Variants in HOXA3 observed in about 807,000 individuals in gnomAD.
HOXA3 encodes homeobox A3.
In HOXA3, 8 loss-of-function variants were observed where a neutral mutation model predicts 30.3. That is an observed-to-expected ratio of 0.26 (90% confidence interval 0.15 to 0.48). HOXA3 has a LOEUF of 0.48. Ranked by LOEUF, HOXA3 falls within the 20% of genes least tolerant of loss-of-function variation. The probability of loss-of-function intolerance (pLI) is 0.99; values close to 1 mark genes in which losing one functional copy is unlikely to be tolerated. For missense variants in HOXA3, 653 were observed against 614.4 expected, an observed-to-expected ratio of 1.06 and a Z score of -0.66; for synonymous variants, 323 against 273.1, an observed-to-expected ratio of 1.18 and a Z score of -1.80.
intron 1 of HOXA3, chr7:27,151,019 G>T (rs1198046966): frequency 3.3e-5 from 5 of 152,332 alleles, no homozygotes; most frequent in African/African-American, 1.2e-4. Flanking sequence ...TAAATAATCG[G>T]CCCGCGGCAG....
chr7:27,112,437 A>T (rs937182518), intron 4 of HOXA3, among the ~76,000 whole-genome samples: 18 of 152,214 alleles, frequency 1.2e-4, no homozygotes, highest in Admixed American at 7.9e-4. Context: ...TCTTACCAAC[A>T]TCTGCAAAAC....
In HOXA3 at chr7:27,113,655, C is replaced by T. The variant is rs1784503558; in HGVS notation, c.-120-2895G>A. ...CTTCTGACGAGCGCAGGCTCGGGCT[C>T]AGGCTCCGACACGGGCTCTGGCCCC... On this transcript the variant is annotated intron_variant, in intron 4 of 5. Coordinates refer to ENST00000612286, the MANE Select transcript of HOXA3 (RefSeq NM_153631.3). The surrounding 1 kb of genome is among the most constrained non-coding windows in gnomAD (Gnocchi z 4.8). The T allele has an allele frequency of 6.6e-6, 1 of 152,304 alleles. No individual in the cohort carries two copies. Among genetic ancestry groups the T allele is most frequent in the African/African-American group, 2.4e-5 (1 of 41,458 alleles). 9.4% of individuals were successfully genotyped at this position (152,304 alleles called of 1,614,324 possible).
intron 2 of HOXA3, 59 bp downstream of exon 2, chr7:27,140,024 A>AGAGAGAGAGAGAGAGG (rs1782500438): frequency 6.7e-6 from 1 of 150,252 alleles, no homozygotes; most frequent in South Asian, 2.1e-4. Flanking sequence ...AGAGAGAGAG[A>AGAGAGAGAGAGAGAGG]GAGAGAGAAA....
In HOXA3 at chr7:27,152,523, C is replaced by T; in HGVS notation, c.-729G>A. On this transcript the variant is annotated 5_prime_UTR_variant, in exon 1 of 6. Transcript: ENST00000612286. ...CTCGCCATCTCCGGACAAAGCACAG[C>T]CGAGCCCGGCTGGAAGGCAGAGCTC... 1 of 1,179,954 alleles carries T rather than the reference C, an allele frequency of 8.5e-7. No homozygotes were observed. The allele number at this position is 1,179,954 out of a possible 1,614,324, so 73.1% of individuals were successfully genotyped here.
rs765056005 is a variant in HOXA3 at position 27,141,817 on chromosome 7, C to T, written c.-493-1631G>A. The T allele has an allele frequency of 2.3e-5, 37 of 1,612,526 alleles. No individual in the cohort carries two copies. The South Asian group carries it at 4.1e-4, about 18-fold the overall frequency. ...CGGGATCCGCTAATACTGCTCAGTA[C>T]TTTAAACGCTCAGATACTCAGGGAC... On this transcript the variant is annotated intron_variant, in intron 1 of 5. Coordinates refer to ENST00000612286, the MANE Select transcript of HOXA3 (RefSeq NM_153631.3).
chr7:27,133,862 G>T (rs188206671), intron 2 of HOXA3, among the ~76,000 whole-genome samples: 15 of 152,074 alleles, frequency 9.9e-5, no homozygotes, highest in Non-Finnish European at 2.1e-4. Flanking sequence ...ATCACAAGGC[G>T]CGCCCTTCAC....
chr7:27,143,374 G>A, intron 1 of HOXA3: 2 of 1,591,264 alleles, frequency 1.3e-6, no homozygotes, highest in Non-Finnish European at 8.5e-7. Flanking sequence ...CGGGCGCCGC[G>A]CTGGCGCTGG....
intron 1 of HOXA3, among the ~76,000 whole-genome samples, chr7:27,146,080 T>C (rs1226848375): frequency 6.6e-6 from 1 of 152,218 alleles, no homozygotes; most frequent in African/African-American, 2.4e-5. Flanking sequence ...TGGGAGATTA[T>C]TTCATACCAA....
intron 2 of HOXA3, chr7:27,129,406 A>C: frequency 6.2e-7 from 1 of 1,614,098 alleles, no homozygotes; most frequent in Non-Finnish European, 8.5e-7. Context: ...CTGAAACCAG[A>C]TCTTGACCTG....
intron 2 of HOXA3, among the ~76,000 whole-genome samples, chr7:27,131,835 C>T (rs1004926223): frequency 1.3e-5 from 2 of 152,180 alleles, no homozygotes; most frequent in Non-Finnish European, 2.9e-5. Context: ...TTAGATCCTG[C>T]TTTCTCAGGC....
At position 27,152,442 on chromosome 7, in the gene HOXA3, C is replaced by A; in HGVS notation, c.-648G>T. The A allele has an allele frequency of 8.7e-7, 1 of 1,154,838 alleles. No individual in the cohort carries two copies. Among genetic ancestry groups the A allele is most frequent in the Non-Finnish European group, 1.1e-6 (1 of 923,300 alleles). The allele number at this position is 1,154,838 out of a possible 1,614,324, so 71.5% of individuals were successfully genotyped here. A position where few individuals can be genotyped will look rare whatever the true frequency, so the allele number is the denominator to read the frequency against. ...TGCTGCCGCGGCGCCGGGAACGGAG[C>A]GCGCCCAATCTCCAGCGGGAGCCGC... On this transcript the variant is annotated 5_prime_UTR_variant, in exon 1 of 6. Transcript: ENST00000612286.
At chr7:27,139,910 T>C (rs1188053556) in intron 2 of HOXA3, among the ~76,000 whole-genome samples, 173 bp downstream of exon 2, 3 of 152,226 alleles carry the variant, frequency 2.0e-5, no homozygotes, top group Admixed American at 2.0e-4. Flanking sequence ...CTCTGCTGCC[T>C]CCGCAGAGTT....
chr7:27,143,112 G>A, intron 1 of HOXA3: 1 of 1,586,140 alleles, frequency 6.3e-7, no homozygotes, highest in African/African-American at 1.4e-5. Flanking sequence ...GCCGGGCTCG[G>A]CTCGCTCTGC....
Position 27,108,454 on chromosome 7 carries a change from T to A in HOXA3, c.793A>T (p.Ser265Cys). The change falls in exon 6 of 6, where the codon AGT becomes TGT. Residue 265 changes from serine to cysteine, a missense_variant. Ser to Cys is a moderately radical substitution (Grantham distance 112). This residue lies in a region of HOXA3 where 330 missense variants were observed against 274.4 expected (regional missense o/e 1.20). Coordinates refer to ENST00000612286, the MANE Select transcript of HOXA3 (RefSeq NM_153631.3). This position sits in a 1 kb window ranked among gnomAD's most constrained non-coding sequence, Gnocchi z 5.0. The part of the protein sequence containing the change: ...MLTSSGGQSP[S>C]RSPVPPGAGG... ...GCTCCGGGGGGCACGGGGCTGCGAC[T>A]TGGAGACTGGCCCCCCGATGACGTT... 1 of 1,614,090 alleles carries A rather than the reference T, an allele frequency of 6.2e-7. No homozygotes were observed. Among genetic ancestry groups the A allele is most frequent in the East Asian group, 2.2e-5 (1 of 44,862 alleles).
intron 2 of HOXA3, chr7:27,130,779 T>C (rs774971766): frequency 6.4e-7 from 1 of 1,561,092 alleles, no homozygotes; most frequent in Non-Finnish European, 8.7e-7. Context: ...CGTTGTCGTT[T>C]TTTCTGGGCT....
intron 2 of HOXA3, chr7:27,130,816 C>G: frequency 1.5e-6 from 2 of 1,357,354 alleles, no homozygotes; most frequent in African/African-American, 3.0e-5. Context: ...CCTCCTGCCT[C>G]GCTTCCCATC....
intron 1 of HOXA3, chr7:27,142,931 G>T (rs1411017133): frequency 7.0e-6 from 7 of 1,000,948 alleles, no homozygotes; most frequent in Non-Finnish European, 1.0e-5. Context: ...GGAGAGCTCC[G>T]CAGGGCTGGG....
chr7:27,110,792 G>A lies in HOXA3; in HGVS notation c.-120-32C>T, dbSNP rs1784328003. The A allele has an allele frequency of 1.1e-5, 13 of 1,137,932 alleles. No individual in the cohort carries two copies. In the Admixed American group the frequency reaches 2.1e-4, roughly 18 times the overall value. The allele number at this position is 1,137,932 out of a possible 1,614,324, so 70.5% of individuals were successfully genotyped here. On this transcript the variant is annotated intron_variant, in intron 4 of 5. Transcript: ENST00000612286. ...GGGCGAGAAGCGCAGCGCGGTGAGG[G>A]CTCCGCGCAAATCCATCTTACTCTC...
intron 1 of HOXA3, among the ~76,000 whole-genome samples, chr7:27,145,085 T>G (rs1296650436): frequency 6.6e-6 from 1 of 152,146 alleles, no homozygotes; most frequent in Non-Finnish European, 1.5e-5. Flanking sequence ...GGGGCCCCCT[T>G]TGTTCCTCGA....
Sources: gnomAD v4.1 joint callset for allele counts (sites outside exome capture counted in the v4.1 genomes callset) on GRCh38, gnomAD v4.1.1 for gene constraint, gnomAD v4.1.1 regional missense constraint, Gnocchi (gnomAD v3.1) non-coding constraint, MANE v1.5 for transcripts, NCBI Gene and HGNC (gene_info 2026-07-23, HGNC 2026-07-21) for gene names.